TBC1D15: variants seen among roughly 807,000 people sequenced by gnomAD.
TBC1D15 encodes the protein TBC1 domain family member 15.
Under a neutral mutation model 95.4 loss-of-function variants are expected in TBC1D15, and 39 were observed. The ratio of observed to expected loss-of-function variants is 0.41; its 90% CI spans 0.32 to 0.53. The LOEUF (loss-of-function observed/expected upper bound fraction) is 0.53, where lower values mean the gene tolerates loss of function less well. Ranked by LOEUF, TBC1D15 falls within the 20% of genes least tolerant of loss-of-function variation. The pLI, the probability that TBC1D15 is intolerant of heterozygous loss-of-function variation, is 0.29. For synonymous variants in TBC1D15, 258 were observed against 261.3 expected (o/e 0.99, Z 0.12); for missense variants, 733 against 794.3 (o/e 0.92, Z 0.93).
chr12:71,907,658 A>T (rs1461276812), intron 11 of TBC1D15: 1 of 152,182 alleles, frequency 6.6e-6, no homozygotes, highest in Non-Finnish European at 1.5e-5. Flanking sequence ...TGGAGTTGTT[A>T]TTTCTTTGAG....
At chr12:71,915,982 G>A (rs1009200679) in intron 12 of TBC1D15, among the ~76,000 whole-genome samples, 1 of 151,974 alleles carries the variant, frequency 6.6e-6, no homozygotes, top group African/African-American at 2.4e-5. Flanking sequence ...CCTTTGTGGT[G>A]GCTGAACCTA....
chr12:71,870,551 A>G (rs1287270487), intron 1 of TBC1D15, among the ~76,000 whole-genome samples: 1 of 152,222 alleles, frequency 6.6e-6, no homozygotes, highest in African/African-American at 2.4e-5. Flanking sequence ...ATCACAGTTG[A>G]TTAACATAAC....
Position 71,880,552 on chromosome 12 carries a change from A to G in TBC1D15, c.288A>G (p.Ala96=), listed in dbSNP as rs748891471. ...RGSEHLNSYE[A]EWDMVNTVSF... is the part of the protein sequence containing the mutation. ...CAGAACATCTGAACAGTTACGAAGC[A>G]GAATGGGACATGGTTAATACAGTTT... The change falls in exon 4 of 17, where the codon GCA becomes GCG. Residue 96 remains alanine (A), a synonymous_variant. Coordinates refer to ENST00000485960, the MANE Select transcript of TBC1D15 (RefSeq NM_001146213.3). 1 of 1,613,630 alleles carries G rather than the reference A, an allele frequency of 6.2e-7. No individual in the cohort carries two copies. Among genetic ancestry groups the G allele is most frequent in the South Asian group, 1.1e-5 (1 of 90,990 alleles).
chr12:71,896,650 T>A, intron 8 of TBC1D15, 27 bp from the exon 9 acceptor site: 1 of 1,565,158 alleles, frequency 6.4e-7, no homozygotes, highest in South Asian at 1.2e-5. Context: ...TTTTCATTCA[T>A]GTATTTAATA....
rs1898197871 is a variant in TBC1D15 at position 71,896,466 on chromosome 12, C to T, written c.985-211C>T. On this transcript the variant is annotated intron_variant, in intron 8 of 16. Coordinates refer to ENST00000485960, the MANE Select transcript of TBC1D15 (RefSeq NM_001146213.3). ...GTAGTCTACTGTATTCTGTAGTCTA[C>T]TGTATTCTGTGCACTGTTTAAACTT... The T allele has an allele frequency of 1.0e-5, 5 of 492,830 alleles. No homozygotes were observed. The South Asian group carries it at 1.4e-4, about 13-fold the overall frequency. The allele number at this position is 492,830 out of a possible 1,614,324, so 30.5% of individuals were successfully genotyped here.
At chr12:71,900,454 TC>T (rs1329718348) in intron 10 of TBC1D15, among the ~76,000 whole-genome samples, 1 of 152,130 alleles carries the variant, frequency 6.6e-6, no homozygotes, top group Admixed American at 6.5e-5. Context: ...CAAGGTCATC[TC>T]CAAGGTCTGA....
chr12:71,891,140 G>A (rs1432448902), intron 5 of TBC1D15, among the ~76,000 whole-genome samples: 1 of 151,914 alleles, frequency 6.6e-6, no homozygotes, highest in Non-Finnish European at 1.5e-5. Flanking sequence ...TATTTCTTTA[G>A]CCTTACATAT....
chr12:71,863,390 A>C (rs1222277622), intron 1 of TBC1D15, among the ~76,000 whole-genome samples: 1 of 152,154 alleles, frequency 6.6e-6, no homozygotes, highest in Non-Finnish European at 1.5e-5. Context: ...AAAAAAGAAA[A>C]GAAAAGAAAA....
intron 1 of TBC1D15, among the ~76,000 whole-genome samples, chr12:71,864,255 A>C (rs1890993723): frequency 6.6e-6 from 1 of 151,874 alleles, no homozygotes; most frequent in Non-Finnish European, 1.5e-5. Flanking sequence ...TTTTTAGTAC[A>C]GATGGGGTTT....
intron 3 of TBC1D15, among the ~76,000 whole-genome samples, chr12:71,876,352 G>C (rs944495605): frequency 1.3e-5 from 2 of 152,060 alleles, no homozygotes; most frequent in African/African-American, 4.8e-5. Flanking sequence ...TGTGGAAGGT[G>C]GGGATTTAGC....
At chr12:71,897,476 T>C (rs978223262) in intron 9 of TBC1D15, among the ~76,000 whole-genome samples, 1 of 151,418 alleles carries the variant, frequency 6.6e-6, no homozygotes, top group Non-Finnish European at 1.5e-5. Context: ...TCACATTTTT[T>C]AAAAAAAAAG....
In TBC1D15 at chr12:71,842,855, G is replaced by T. The variant is rs932689690; in HGVS notation, c.30+3044G>T. ...CAAAAAAAAAAAAAAAAAAAGAAAA[G>T]AAAAAGAAAATGAGGAGGGATTAGA... On this transcript the variant is annotated intron_variant, in intron 1 of 16. Transcript: ENST00000485960. 2.0e-5 allele frequency among the ~76,000 whole-genome samples: 3 copies of T among 147,052 alleles called. No individual in the cohort carries two copies. The South Asian group carries it at 6.5e-4, about 32-fold the overall frequency.
intron 3 of TBC1D15, among the ~76,000 whole-genome samples, chr12:71,879,427 G>A (rs1894678624): frequency 6.6e-6 from 1 of 152,050 alleles, no homozygotes; most frequent in Non-Finnish European, 1.5e-5. Context: ...GAGCCACCTC[G>A]CTCGGCCTCC....
At chr12:71,877,073 A>G (rs1479156226) in intron 3 of TBC1D15, among the ~76,000 whole-genome samples, 2 of 152,054 alleles carry the variant, frequency 1.3e-5, no homozygotes, top group Admixed American at 1.3e-4. Flanking sequence ...AGCCTCCCAA[A>G]GTGCTGGAAT....
chr12:71,904,943 T>C (rs1455176255), intron 10 of TBC1D15, among the ~76,000 whole-genome samples: 1 of 152,118 alleles, frequency 6.6e-6, no homozygotes, highest in East Asian at 1.9e-4. Flanking sequence ...TAAAATGGGG[T>C]CAGTCAACGT....
chr12:71,847,721 T>A (rs1164257429), intron 1 of TBC1D15, among the ~76,000 whole-genome samples: 2 of 151,554 alleles, frequency 1.3e-5, no homozygotes, highest in Non-Finnish European at 2.9e-5. Context: ...ATAATATTCA[T>A]TGTATGGGTA....
chr12:71,848,522 T>A (rs1886906153), intron 1 of TBC1D15, among the ~76,000 whole-genome samples: 1 of 152,210 alleles, frequency 6.6e-6, no homozygotes, highest in East Asian at 1.9e-4. Context: ...TTCTGCTTAT[T>A]TTTTTTCAAA....
chr12:71,894,270 T>C, intron 6 of TBC1D15: 1 of 1,448,568 alleles, frequency 6.9e-7, no homozygotes, highest in Non-Finnish European at 9.6e-7. Flanking sequence ...TCAAATATTT[T>C]GTGTCAGAAT....
chr12:71,882,727 T>C (rs1173933266), intron 4 of TBC1D15, among the ~76,000 whole-genome samples: 2 of 152,234 alleles, frequency 1.3e-5, no homozygotes, highest in East Asian at 3.8e-4. Flanking sequence ...ATAGTTCATC[T>C]TTGACTACTT....
Sources: allele counts gnomAD v4.1 joint callset (sites outside exome capture counted in the v4.1 genomes callset), GRCh38; gene constraint gnomAD v4.1.1; transcripts MANE v1.5; gene names NCBI Gene and HGNC (gene_info 2026-07-23, HGNC 2026-07-21).